Variants in PXDNL observed in about 807,000 individuals in gnomAD.
PXDNL encodes the protein probable oxidoreductase PXDNL.
PXDNL carries 145 observed loss-of-function variants against 150.8 expected under a neutral mutation model. That is an observed-to-expected ratio of 0.96 (90% CI 0.84 to 1.10). PXDNL has a LOEUF of 1.10. PXDNL is among the 50% of genes least tolerant of loss of function. The probability of loss-of-function intolerance (pLI) is 0.00; values close to 1 mark genes in which losing one functional copy is unlikely to be tolerated. For missense variants in PXDNL, 2,087 were observed against 1,873.9 expected (o/e 1.11, Z -2.10); for synonymous variants, 757 against 725.7 (o/e 1.04, Z -0.69).
chr8:51,450,088 T>A (rs1809768882), intron 10 of PXDNL, among the ~76,000 whole-genome samples: 1 of 152,122 alleles, frequency 6.6e-6, no homozygotes, highest in Admixed American at 6.6e-5. Context: ...GCACTTAGAG[T>A]TCCTCCCCAT....
intron 1 of PXDNL, among the ~76,000 whole-genome samples, chr8:51,808,304 CT>C (rs968700201): frequency 6.6e-6 from 1 of 152,170 alleles, no homozygotes; most frequent in Non-Finnish European, 1.5e-5. Flanking sequence ...CAGGAAACCT[CT>C]TTAGTCTGCA....
intron 1 of PXDNL, among the ~76,000 whole-genome samples, chr8:51,800,709 T>A (rs901864228): frequency 6.6e-6 from 1 of 152,234 alleles, no homozygotes; most frequent in African/African-American, 2.4e-5. Flanking sequence ...TACTGCAATC[T>A]CTGAACATAA....
At chr8:51,487,497 A>G (rs1192047060) in intron 5 of PXDNL, among the ~76,000 whole-genome samples, 3 of 151,892 alleles carry the variant, frequency 2.0e-5, no homozygotes, top group Non-Finnish European at 4.4e-5. Flanking sequence ...GTTCTTTAAT[A>G]CCAACCATAA....
At chr8:51,629,867 G>A (rs1814454365) in intron 2 of PXDNL, among the ~76,000 whole-genome samples, 1 of 152,026 alleles carries the variant, frequency 6.6e-6, no homozygotes, top group Non-Finnish European at 1.5e-5. Context: ...ACTGCCCAAA[G>A]CAATTTGCAG....
At chr8:51,373,048 T>G (rs1807175483) in intron 18 of PXDNL, among the ~76,000 whole-genome samples, 1 of 152,232 alleles carries the variant, frequency 6.6e-6, no homozygotes, top group South Asian at 2.1e-4. Flanking sequence ...TGGACTGAGC[T>G]GTGTCCCCCT....
chr8:51,406,092 C>T (rs553026962), intron 17 of PXDNL, among the ~76,000 whole-genome samples: 122 of 152,292 alleles, frequency 8.0e-4, no homozygotes, highest in African/African-American at 2.8e-3. Context: ...GCTAACACAG[C>T]TAACACTAGA....
intron 1 of PXDNL, among the ~76,000 whole-genome samples, chr8:51,802,744 G>A (rs551616226): frequency 6.6e-6 from 1 of 152,208 alleles, no homozygotes; most frequent in Non-Finnish European, 1.5e-5. Context: ...ATAATAGCAA[G>A]AACAAGGGCT....
intron 1 of PXDNL, among the ~76,000 whole-genome samples, chr8:51,692,029 G>A (rs796318402): frequency 3.9e-5 from 6 of 152,338 alleles, no homozygotes; most frequent in African/African-American, 1.4e-4. Context: ...GACTCGTGCT[G>A]TTGCAAGTAG....
At chr8:51,516,082 A>T (rs1178733393) in intron 4 of PXDNL, among the ~76,000 whole-genome samples, 2 of 152,140 alleles carry the variant, frequency 1.3e-5, no homozygotes, top group African/African-American at 2.4e-5. Context: ...CTTTGGGTGG[A>T]TTTTTTTCTG....
chr8:51,764,632 T>G (rs1014048407), intron 1 of PXDNL, among the ~76,000 whole-genome samples: 5 of 152,206 alleles, frequency 3.3e-5, no homozygotes, highest in Non-Finnish European at 5.9e-5. Flanking sequence ...CTATTATTGA[T>G]TTCAAATTCT....
At position 51,541,581 on chromosome 8, in the gene PXDNL, G is replaced by A. The variant is rs547196868; in HGVS notation, c.380+15259C>T. On this transcript the variant is annotated intron_variant, in intron 4 of 22. Transcript: ENST00000356297. The stretch of plus-strand genomic sequence containing the variant: ...CTCCGACACGTGCAGATCATTGTCC[G>A]GCCAAAGATTTTAGGGGAAGCCTCT... 3.3e-5 allele frequency among the ~76,000 whole-genome samples: 5 copies of A among 152,182 alleles called. 1 individual carries two copies. The highest frequency in any genetic ancestry group is 2.1e-4 in the South Asian group (1 of 4,806).
At chr8:51,526,319 C>A (rs187945356) in intron 4 of PXDNL, among the ~76,000 whole-genome samples, 3 of 151,982 alleles carry the variant, frequency 2.0e-5, no homozygotes, top group Non-Finnish European at 4.4e-5. Context: ...TCTTCCCGTA[C>A]CACTAAGTAG....
In PXDNL at chr8:51,732,559, G is replaced by A. The variant is rs188322396; in HGVS notation, c.164+76622C>T. ...CAGTTTCGGGTACCTTTACAACAGCGCCCCACTCTACCAGTACCAATTTAC... is the reference window on the plus strand; with the variant it reads ...CAGTTTCGGGTACCTTTACAACAGCACCCCACTCTACCAGTACCAATTTAC... On this transcript the variant is annotated intron_variant, in intron 1 of 22. Coordinates refer to ENST00000356297, the MANE Select transcript of PXDNL (RefSeq NM_144651.5). Among the ~76,000 whole-genome samples the A allele has an allele frequency of 9.4e-3, 1,429 of 152,144 alleles. 14 individuals carry two copies. Among genetic ancestry groups the A allele is most frequent in the Non-Finnish European group, 0.013 (878 of 68,006 alleles).
intron 1 of PXDNL, among the ~76,000 whole-genome samples, chr8:51,690,502 T>TC (rs1476057709): frequency 4.6e-5 from 7 of 152,176 alleles, no homozygotes; most frequent in African/African-American, 1.7e-4. Flanking sequence ...CATGAACTCA[T>TC]CATTTGTTAT....
At chr8:51,581,360 G>A (rs1227243442) in intron 3 of PXDNL, among the ~76,000 whole-genome samples, 1 of 152,002 alleles carries the variant, frequency 6.6e-6, no homozygotes, top group Non-Finnish European at 1.5e-5. Context: ...ATGGTGGCAT[G>A]TGTCTGTAAT....
chr8:51,475,178 G>T (rs763290363), intron 6 of PXDNL, 37 bp from the exon 7 acceptor site: 5 of 1,557,032 alleles, frequency 3.2e-6, no homozygotes, highest in Non-Finnish European at 3.5e-6. Flanking sequence ...TGTTAAAAGG[G>T]ACTATTAATT....
Position 51,345,827 on chromosome 8 carries a change from A to G in PXDNL, c.4016+6T>C, listed in dbSNP as rs1020067754. ...GCCTAAAGAAATGAGATATTTCTAT[A>G]CATACCTACTTCTTAGATGACTTAA... On this transcript the variant is annotated splice_donor_region_variant and intron_variant, in intron 20 of 22. Coordinates refer to ENST00000356297, the MANE Select transcript of PXDNL (RefSeq NM_144651.5). The G allele has an allele frequency of 6.5e-7, 1 of 1,536,248 alleles. No homozygotes were observed.
chr8:51,355,219 G>A (rs189606159), intron 19 of PXDNL, among the ~76,000 whole-genome samples: 6 of 152,292 alleles, frequency 3.9e-5, no homozygotes, highest in Admixed American at 2.0e-4. Context: ...ACAGTGTCAT[G>A]AAATACGATG....
intron 2 of PXDNL, among the ~76,000 whole-genome samples, chr8:51,595,472 T>C (rs2130663813): frequency 6.6e-6 from 1 of 152,270 alleles, no homozygotes; most frequent in East Asian, 1.9e-4. Context: ...ACTCCACAAG[T>C]GAATCATTAT....
Sources: allele counts gnomAD v4.1 joint callset (sites outside exome capture counted in the v4.1 genomes callset), GRCh38; gene constraint gnomAD v4.1.1; transcripts MANE v1.5; gene names NCBI Gene and HGNC (gene_info 2026-07-23, HGNC 2026-07-21).